RYR1: variants seen among roughly 807,000 people sequenced by gnomAD.
RYR1 encodes the protein ryanodine receptor 1, also known as central core disease of muscle.
In RYR1, 342 loss-of-function variants were observed where a neutral mutation model predicts 583.5. That is an observed-to-expected ratio of 0.59 (90% CI 0.54 to 0.64). The LOEUF (loss-of-function observed/expected upper bound fraction) is 0.64. Among genes scored for constraint, RYR1 ranks in the 30% least tolerant of loss-of-function variants. The pLI is 0.00. For synonymous variants in RYR1, 2,791 were observed against 2,822.5 expected (o/e 0.99, Z 0.35); for missense variants, 6,032 against 6,917.2 (o/e 0.87, Z 4.54).
chr19:38,469,499 C>A lies in RYR1; in HGVS notation c.3751C>A (p.His1251Asn), dbSNP rs943777976. 5 of 1,614,138 alleles carry A rather than the reference C, an allele frequency of 3.1e-6. No homozygotes were observed. Among genetic ancestry groups the A allele is most frequent in the Non-Finnish European group, 4.2e-6 (5 of 1,180,020 alleles). ...CCAGTTTGAGCCAGTGCCCCTTGAACACCCTCACTATGAGGTAAGGACTGA... is the reference window on the plus strand; with the variant it reads ...CCAGTTTGAGCCAGTGCCCCTTGAAAACCCTCACTATGAGGTAAGGACTGA... ...LPQFEPVPLE[H>N]PHYEVSRVDG... is the part of the protein sequence containing the mutation. Residue 1251 changes from histidine to asparagine, a missense_variant, in exon 27 of 106, where the codon CAC becomes AAC. By Grantham distance (68) the His-to-Asn change is moderately conservative. Transcript: ENST00000359596.
intron 89 of RYR1, among the ~76,000 whole-genome samples, chr19:38,557,005 G>A (rs1175700697): frequency 6.7e-6 from 1 of 149,462 alleles, no homozygotes; most frequent in African/African-American, 2.5e-5. Flanking sequence ...TCAACACTCA[G>A]ACATATTCAT....
chr19:38,462,227 AG>A (rs1402991685), intron 20 of RYR1, among the ~76,000 whole-genome samples: 1 of 152,142 alleles, frequency 6.6e-6, no homozygotes, highest in African/African-American at 2.4e-5. Flanking sequence ...CGTGAGGAAA[AG>A]GGGATAACAC....
chr19:38,471,899 CAAAAA>C (rs35479919), intron 27 of RYR1, among the ~76,000 whole-genome samples: 2 of 59,992 alleles, frequency 3.3e-5, no homozygotes, highest in Non-Finnish European at 3.6e-5. Context: ...GACTCTGTCT[CAAAAA>C]AAAAAAAAAA....
intron 29 of RYR1, among the ~76,000 whole-genome samples, chr19:38,476,415 T>C (rs1260002833): frequency 6.6e-6 from 1 of 152,116 alleles, no homozygotes; most frequent in Non-Finnish European, 1.5e-5. Flanking sequence ...GCCAGGCTGG[T>C]CTCAAACTCC....
rs755330618 is a variant in RYR1, at chr19:38,523,907, T to C, written c.10441-8T>C. The C allele has an allele frequency of 7.4e-6, 12 of 1,613,810 alleles. No individual in the cohort carries two copies. Among genetic ancestry groups the C allele is most frequent in the African/African-American group, 1.3e-5 (1 of 74,848 alleles). On this transcript the variant is annotated splice_region_variant and splice_polypyrimidine_tract_variant and intron_variant, in intron 69 of 105. Transcript: ENST00000359596. Reference sequence around the variant, plus strand: ...CTTCTTGTCTCTGTCTGCGGTCCGGTGAAGCAGGCGGGAGATATACAGGTC... The same window carrying C: ...CTTCTTGTCTCTGTCTGCGGTCCGGCGAAGCAGGCGGGAGATATACAGGTC...
At chr19:38,546,694 G>A (rs1972439483) in intron 88 of RYR1, among the ~76,000 whole-genome samples, 168 bp downstream of exon 88, 1 of 149,392 alleles carries the variant, frequency 6.7e-6, no homozygotes, top group Non-Finnish European at 1.5e-5. Context: ...GGCTACACCT[G>A]TAATCCCAGC....
chr19:38,558,538 G>A (rs1685194602), intron 89 of RYR1, among the ~76,000 whole-genome samples: 1 of 152,150 alleles, frequency 6.6e-6, no homozygotes, highest in Non-Finnish European at 1.5e-5. Context: ...TAACACTTTG[G>A]GAGGCCAAGG....
At chr19:38,523,691 A>G (rs1971327614) in intron 69 of RYR1, 3 of 626,416 alleles carry the variant, frequency 4.8e-6, no homozygotes, top group African/African-American at 3.8e-5. Context: ...TCCTCTCCCC[A>G]TTACCCCATT....
At position 38,496,876 on chromosome 19, in the gene RYR1, G is replaced by A. The variant is rs147786842; in HGVS notation, c.6813G>A (p.Thr2271=). 6.2e-5 allele frequency: 100 copies of A among 1,613,482 alleles called. No homozygotes were observed. In the South Asian group the frequency reaches 6.5e-4, roughly 10 times the overall value. Reference sequence around the variant, plus strand: ...CCCCTGCAGGCATGCAGGGCTCCACGCCCCTGGACGTGGCTGCTGCCTCCG... The same window carrying A: ...CCCCTGCAGGCATGCAGGGCTCCACACCCCTGGACGTGGCTGCTGCCTCCG... The part of the protein sequence containing the change: ...SGIGLGMQGS[T]PLDVAAASVI... The change falls in exon 42 of 106, where the codon ACG becomes ACA. Residue 2271 remains threonine (T), a synonymous_variant. Coordinates refer to ENST00000359596, the MANE Select transcript of RYR1 (RefSeq NM_000540.3). The surrounding 1 kb of genome is among the most constrained non-coding windows in gnomAD (Gnocchi z 4.8).
chr19:38,571,880 C>T lies in RYR1; in HGVS notation c.13747-139C>T, dbSNP rs1973729657. The T allele has an allele frequency of 3.1e-6, 4 of 1,274,886 alleles. No homozygotes were observed. The South Asian group carries it at 5.2e-5, about 16-fold the overall frequency. 79.0% of individuals were successfully genotyped at this position (1,274,886 alleles called of 1,614,324 possible). On this transcript the variant is annotated intron_variant, in intron 94 of 105. Transcript: ENST00000359596. ...GATTTGCTAGCTACAGCCCTAGGCC[C>T]AACCCTTGATCTTGATTGACAGCCA...
At chr19:38,476,262 G>A (rs1357413443) in intron 29 of RYR1, among the ~76,000 whole-genome samples, 3 of 152,044 alleles carry the variant, frequency 2.0e-5, no homozygotes, top group African/African-American at 4.8e-5. Flanking sequence ...GCAGTGGCGC[G>A]ATCTCGGCTC....
chr19:38,440,991 G>A (rs1972649254), intron 2 of RYR1, 127 bp downstream of exon 2: 6 of 915,538 alleles, frequency 6.6e-6, no homozygotes, highest in African/African-American at 5.1e-5. Flanking sequence ...GAGGAGGGGG[G>A]CTAAGGCTAA....
chr19:38,464,278 G>GAAAAAAAA (rs547288253), intron 22 of RYR1, among the ~76,000 whole-genome samples: 2 of 64,242 alleles, frequency 3.1e-5, no homozygotes, highest in Non-Finnish European at 5.4e-5. Flanking sequence ...CACCGTTTCA[G>GAAAAAAAA]AAAAAAAAAA....
chr19:38,572,347 G>T, intron 95 of RYR1, 77 bp downstream of exon 95: 1 of 1,375,032 alleles, frequency 7.3e-7, no homozygotes, highest in Non-Finnish European at 9.9e-7. Context: ...AGCACTGGCT[G>T]GGGCTGGGGG....
At position 38,471,843 on chromosome 19, in the gene RYR1, A is replaced by G. The variant is rs115476076; in HGVS notation, c.3766-1534A>G. ...CTTGAACCCAGGAGGCAAAAGTTGCAGTCAGCCAAGATTGCACCATTGCAC... is the reference window on the plus strand; with the variant it reads ...CTTGAACCCAGGAGGCAAAAGTTGCGGTCAGCCAAGATTGCACCATTGCAC... On this transcript the variant is annotated intron_variant, in intron 27 of 105. Transcript: ENST00000359596. Among the ~76,000 whole-genome samples, 1,010 of 149,132 alleles carry G rather than the reference A, an allele frequency of 6.8e-3. 13 individuals carry two copies. The highest frequency in any genetic ancestry group is 0.024 in the African/African-American group (966 of 40,244).
chr19:38,433,761 TCCCGCCCAGCCCG>T lies in RYR1; in HGVS notation c.-67_-55del. On this transcript the variant is annotated 5_prime_UTR_variant, in exon 1 of 106. Transcript: ENST00000359596. ...TCCGACCCCAGCCCGCCCCCAGCCC[TCCCGCCCAGCCCG>T]CAGCCCCCTCCCTCTGTTCCCCGAC... 1 of 236,682 alleles carries T rather than the reference TCCCGCCCAGCCCG, an allele frequency of 4.2e-6. No homozygotes were observed. The highest frequency in any genetic ancestry group is 7.6e-6 in the Non-Finnish European group (1 of 132,368). 14.7% of individuals were successfully genotyped at this position (236,682 alleles called of 1,614,324 possible).
At chr19:38,434,017 CTCTG>C (rs1263469005) in intron 1 of RYR1, 143 bp downstream of exon 1, 3 of 800,616 alleles carry the variant, frequency 3.7e-6, no homozygotes, top group Non-Finnish European at 6.8e-6. Context: ...GTGACTGTCA[CTCTG>C]TCTTTTAGTC....
intron 89 of RYR1, among the ~76,000 whole-genome samples, chr19:38,557,208 G>A (rs1253291149): frequency 6.8e-6 from 1 of 147,934 alleles, no homozygotes; most frequent in East Asian, 2.0e-4. Context: ...CATGAGCCAC[G>A]GCGCCCAGCC....
chr19:38,506,264 C>T, intron 54 of RYR1, 39 bp from the exon 55 acceptor site: 1 of 1,600,738 alleles, frequency 6.2e-7, no homozygotes, highest in Non-Finnish European at 8.6e-7. Flanking sequence ...TTCCTGCTAG[C>T]CCATCAGCCC....
Sources: allele counts gnomAD v4.1 joint callset (sites outside exome capture counted in the v4.1 genomes callset), GRCh38; gene constraint gnomAD v4.1.1; non-coding constraint Gnocchi (gnomAD v3.1); transcripts MANE v1.5; gene names NCBI Gene and HGNC (gene_info 2026-07-23, HGNC 2026-07-21).